Variants in CADM2 observed in about 807,000 individuals in gnomAD.
CADM2 encodes immunoglobulin superfamily member 4D.
A neutral mutation model predicts 49.8 loss-of-function variants in CADM2; 12 were observed. The ratio of observed to expected loss-of-function variants is 0.24; its 90% confidence interval spans 0.15 to 0.39. CADM2 has a LOEUF of 0.39. Among genes scored for constraint, CADM2 ranks in the 10% least tolerant of loss-of-function variants. The probability of loss-of-function intolerance (pLI) is 1.00; values close to 1 mark genes in which losing one functional copy is unlikely to be tolerated. For synonymous variants in CADM2, 214 were observed against 175.4 expected (o/e 1.22, Z -1.74); for missense variants, 378 against 492.3 (o/e 0.77, Z 2.20).
At chr3:85,503,673 C>G (rs1461060417) in intron 1 of CADM2, among the ~76,000 whole-genome samples, 1 of 152,100 alleles carries the variant, frequency 6.6e-6, no homozygotes, top group African/African-American at 2.4e-5. Flanking sequence ...GTTAATGAGA[C>G]CAAACGATCA....
At chr3:85,104,365 C>A (rs1335204152) in intron 1 of CADM2, among the ~76,000 whole-genome samples, 2 of 151,194 alleles carry the variant, frequency 1.3e-5, no homozygotes, top group Non-Finnish European at 2.9e-5. Context: ...TGTAGATATG[C>A]GGCGTTATTT....
chr3:85,939,710 A>T (rs1230394913), intron 7 of CADM2, among the ~76,000 whole-genome samples: 1 of 151,248 alleles, frequency 6.6e-6, no homozygotes, highest in East Asian at 1.9e-4. Flanking sequence ...ATAGGTATTG[A>T]TAAGTTTTTC....
chr3:85,931,142 G>A (rs974736246), intron 6 of CADM2, among the ~76,000 whole-genome samples: 2 of 152,040 alleles, frequency 1.3e-5, no homozygotes, highest in African/African-American at 2.4e-5. Context: ...GGAGGCCAAG[G>A]TGGGAGGATC....
At chr3:85,449,052 A>AAATAATAT (rs2037618508) in intron 1 of CADM2, among the ~76,000 whole-genome samples, 1 of 107,406 alleles carries the variant, frequency 9.3e-6, no homozygotes, top group East Asian at 5.9e-4. Context: ...TCCAACTCAA[A>AAATAATAT]AATAATAATA....
At chr3:85,441,597 A>C (rs574302272) in intron 1 of CADM2, among the ~76,000 whole-genome samples, 1 of 152,260 alleles carries the variant, frequency 6.6e-6, no homozygotes, top group Admixed American at 6.5e-5. Flanking sequence ...TTCTGGATTT[A>C]TAATCTTGAT....
intron 3 of CADM2, among the ~76,000 whole-genome samples, chr3:85,855,619 A>AAAATATATATATATATATATATATATAT (rs2075284360): frequency 2.4e-5 from 1 of 41,664 alleles, no homozygotes; most frequent in African/African-American, 1.0e-4. Context: ...ATATATATAA[A>AAAATATATATATATATATATATATATAT]ACATATATAT....
intron 2 of CADM2, among the ~76,000 whole-genome samples, chr3:85,761,801 C>T (rs1458113299): frequency 3.3e-5 from 5 of 152,112 alleles, no homozygotes; most frequent in Admixed American, 3.3e-4. Context: ...TCATATAAAG[C>T]AGGCTTAGAG....
chr3:85,873,775 A>C (rs1357258999), intron 3 of CADM2, among the ~76,000 whole-genome samples: 2 of 152,160 alleles, frequency 1.3e-5, no homozygotes, highest in Non-Finnish European at 2.9e-5. Context: ...TTTCACATTG[A>C]ATTTTTGATG....
At chr3:85,947,717 T>C (rs1478236050) in intron 7 of CADM2, among the ~76,000 whole-genome samples, 2 of 151,542 alleles carry the variant, frequency 1.3e-5, no homozygotes, top group Non-Finnish European at 3.0e-5. Flanking sequence ...TTTGGTTTTG[T>C]TTTTGAAACA....
intron 1 of CADM2, among the ~76,000 whole-genome samples, chr3:85,267,954 A>G (rs1450117510): frequency 6.6e-6 from 1 of 151,730 alleles, no homozygotes; most frequent in Non-Finnish European, 1.5e-5. Context: ...TAAAACTCCT[A>G]CAATGTATTA....
intron 1 of CADM2, among the ~76,000 whole-genome samples, chr3:85,622,061 G>A (rs1242531160): frequency 2.0e-5 from 3 of 152,250 alleles, no homozygotes; most frequent in East Asian, 3.9e-4. Flanking sequence ...TATTAAAAAT[G>A]CAAACAATTG....
At chr3:85,894,723 G>T (rs960826348) in intron 5 of CADM2, among the ~76,000 whole-genome samples, 5 of 152,148 alleles carry the variant, frequency 3.3e-5, no homozygotes, top group African/African-American at 9.7e-5. Context: ...TGGACATGTT[G>T]CCTTGCACCC....
intron 1 of CADM2, among the ~76,000 whole-genome samples, chr3:85,217,002 A>G (rs2041942622): frequency 6.6e-6 from 1 of 151,990 alleles, no homozygotes; most frequent in East Asian, 1.9e-4. Context: ...GGGAGAATGC[A>G]TTCTTTCTTA....
At chr3:85,709,182 A>G (rs2067038988) in intron 1 of CADM2, among the ~76,000 whole-genome samples, 1 of 152,174 alleles carries the variant, frequency 6.6e-6, no homozygotes, top group Non-Finnish European at 1.5e-5. Context: ...TTTAAGTTGA[A>G]AACGTCACCA....
At chr3:86,023,924 C>T (rs1337806431) in intron 8 of CADM2, among the ~76,000 whole-genome samples, 1 of 152,136 alleles carries the variant, frequency 6.6e-6, no homozygotes, top group Non-Finnish European at 1.5e-5. Context: ...TTCTATTTCC[C>T]ACTGAATCTT....
At chr3:85,363,226 G>C (rs989682426) in intron 1 of CADM2, among the ~76,000 whole-genome samples, 2 of 152,134 alleles carry the variant, frequency 1.3e-5, no homozygotes, top group African/African-American at 4.8e-5. Flanking sequence ...TTTACATATG[G>C]TCATTTCATA....
At chr3:85,815,386 G>A (rs1374425975) in intron 3 of CADM2, among the ~76,000 whole-genome samples, 2 of 152,094 alleles carry the variant, frequency 1.3e-5, no homozygotes, top group Admixed American at 6.6e-5. Flanking sequence ...ACATCAAAAA[G>A]CTTATCCACC....
At position 85,290,637 on chromosome 3, in the gene CADM2, C is replaced by G. The variant is rs180765543; in HGVS notation, c.61+330969C>G. On this transcript the variant is annotated intron_variant, in intron 1 of 9. Coordinates refer to ENST00000383699, the MANE Select transcript of CADM2 (RefSeq NM_001167675.2). ...CTCAAGTGGGTCCCTGACCCTTGAC[C>G]CCTGAGCTGCCTAACTGGGAGGCAC... Among the ~76,000 whole-genome samples, 12 of 152,322 alleles carry G rather than the reference C, an allele frequency of 7.9e-5. No homozygotes were observed. The East Asian group carries it at 2.3e-3, about 29-fold the overall frequency.
At chr3:85,726,396 G>T (rs1245775773) in intron 1 of CADM2, 126 bp from the exon 2 acceptor site, 1 of 994,648 alleles carries the variant, frequency 1.0e-6, no homozygotes, top group Non-Finnish European at 1.6e-6. Context: ...TTAGGCTGTT[G>T]ATCATGAAAT....
Sources: gnomAD v4.1 joint callset for allele counts (sites outside exome capture counted in the v4.1 genomes callset) on GRCh38, gnomAD v4.1.1 for gene constraint, MANE v1.5 for transcripts, NCBI Gene and HGNC (gene_info 2026-07-23, HGNC 2026-07-21) for gene names.